The following CSMD1 variants were observed in gnomAD, a reference collection of about 807,000 sequenced individuals.
CSMD1 encodes the protein CUB and Sushi multiple domains 1.
CSMD1 carries 213 observed loss-of-function variants against 417.5 expected under a neutral mutation model. That is an observed-to-expected ratio of 0.51 (90% CI 0.46 to 0.57). The LOEUF (loss-of-function observed/expected upper bound fraction) is 0.57. CSMD1 is among the 20% of genes least tolerant of loss of function. The probability of loss-of-function intolerance (pLI) is 0.00; values close to 1 mark genes in which losing one functional copy is unlikely to be tolerated. For synonymous variants in CSMD1, 2,862 were observed against 1,736.8 expected (o/e 1.65, Z -16.11); for missense variants, 6,923 against 4,529.7 (o/e 1.53, Z -15.17).
chr8:3,280,065 G>A (rs148993019), intron 26 of CSMD1, among the ~76,000 whole-genome samples: 2,663 of 151,236 alleles, frequency 0.018, 73 homozygotes, highest in African/African-American at 0.059. Flanking sequence ...GGGGCACATC[G>A]GCCCCCGGGG....
At chr8:3,738,278 G>T (rs1191598500) in intron 6 of CSMD1, among the ~76,000 whole-genome samples, 2 of 152,186 alleles carry the variant, frequency 1.3e-5, no homozygotes, top group African/African-American at 4.8e-5. Flanking sequence ...GATCACAGTG[G>T]AAGGAAGAGA....
At chr8:4,766,361 G>T (rs140098758) in intron 1 of CSMD1, among the ~76,000 whole-genome samples, 3 of 152,170 alleles carry the variant, frequency 2.0e-5, no homozygotes, top group African/African-American at 7.2e-5. Context: ...TAGGACACAA[G>T]AAGAAATTAG....
chr8:3,559,870 C>A (rs13279390), intron 10 of CSMD1, among the ~76,000 whole-genome samples: 102,305 of 151,956 alleles, frequency 0.67, 37,165 homozygotes, highest in Middle Eastern at 0.81. Context: ...AGAGTGGACA[C>A]AGTGAGAATG....
chr8:4,477,016 T>G (rs1444165859), intron 2 of CSMD1, among the ~76,000 whole-genome samples: 3 of 152,184 alleles, frequency 2.0e-5, no homozygotes, highest in Non-Finnish European at 4.4e-5. Context: ...TGGCTGTGGT[T>G]ACAGGGATTT....
intron 3 of CSMD1, among the ~76,000 whole-genome samples, chr8:4,094,593 T>C (rs1254800087): frequency 6.6e-6 from 1 of 152,124 alleles, no homozygotes; most frequent in Non-Finnish European, 1.5e-5. Context: ...CACCGTGCTG[T>C]GCTTGTGTAG....
At chr8:4,720,612 T>G (rs1452693140) in intron 1 of CSMD1, among the ~76,000 whole-genome samples, 1 of 152,156 alleles carries the variant, frequency 6.6e-6, no homozygotes, top group East Asian at 1.9e-4. Context: ...AGACAGGGTT[T>G]CACCATGTTG....
At chr8:4,958,757 C>T (rs1809285840) in intron 1 of CSMD1, among the ~76,000 whole-genome samples, 1 of 151,040 alleles carries the variant, frequency 6.6e-6, no homozygotes, top group Non-Finnish European at 1.5e-5. Flanking sequence ...CAGTAATTTC[C>T]CCCTGTTTCA....
chr8:3,886,074 A>G (rs567420466), intron 5 of CSMD1, among the ~76,000 whole-genome samples: 2 of 152,108 alleles, frequency 1.3e-5, no homozygotes, highest in East Asian at 1.9e-4. Context: ...TTTTTGAGAC[A>G]GACTCTTGCT....
At position 4,393,654 on chromosome 8, in the gene CSMD1, G is replaced by A. The variant is rs193037723; in HGVS notation, c.415+26299C>T. ...CAATGTTGAAAAGACGTGAGCACTA[G>A]CCCAGTCACCTTCACACTCCTATAC... is the stretch of plus-strand genomic sequence containing the variant. On this transcript the variant is annotated intron_variant, in intron 3 of 69. Transcript: ENST00000635120. 1.1e-4 allele frequency among the ~76,000 whole-genome samples: 16 copies of A among 152,268 alleles called. No homozygotes were observed. The East Asian group carries it at 2.5e-3, about 24-fold the overall frequency.
intron 1 of CSMD1, among the ~76,000 whole-genome samples, chr8:4,857,406 T>G (rs1379657693): frequency 6.6e-6 from 1 of 151,356 alleles, no homozygotes; most frequent in African/African-American, 2.4e-5. Context: ...AGGCAAGAAA[T>G]AACTAAAATC....
intron 1 of CSMD1, among the ~76,000 whole-genome samples, chr8:4,910,809 A>T (rs1805615015): frequency 6.6e-6 from 1 of 152,224 alleles, no homozygotes; most frequent in Non-Finnish European, 1.5e-5. Flanking sequence ...TCCAATTGAT[A>T]AATGTCATTA....
chr8:4,089,799 C>G (rs953322442), intron 3 of CSMD1, among the ~76,000 whole-genome samples: 4 of 151,900 alleles, frequency 2.6e-5, no homozygotes, highest in Non-Finnish European at 4.4e-5. Context: ...CTCAGTCTAC[C>G]GAGTGTGTTT....
intron 5 of CSMD1, among the ~76,000 whole-genome samples, chr8:3,907,517 T>C (rs1162160422): frequency 1.3e-5 from 2 of 152,138 alleles, no homozygotes; most frequent in Admixed American, 6.5e-5. Context: ...TCTCACAGAA[T>C]TGTGCAGATC....
At chr8:3,200,626 G>T (rs12545450) in intron 32 of CSMD1, among the ~76,000 whole-genome samples, 4 of 151,448 alleles carry the variant, frequency 2.6e-5, no homozygotes. Context: ...ATAAAATGTG[G>T]AAGAGTCTGT....
At chr8:4,190,120 G>C (rs534442097) in intron 3 of CSMD1, among the ~76,000 whole-genome samples, 2 of 151,782 alleles carry the variant, frequency 1.3e-5, no homozygotes, top group African/African-American at 4.8e-5. Flanking sequence ...TGAGCCGGGC[G>C]TGGTGGCAGG....
intron 2 of CSMD1, among the ~76,000 whole-genome samples, chr8:4,621,864 T>A (rs909207394): frequency 1.1e-4 from 17 of 152,130 alleles, no homozygotes; most frequent in African/African-American, 3.6e-4. Flanking sequence ...GAATGAGAAG[T>A]TGGATTAAAA....
chr8:3,756,972 T>C (rs372514923), intron 5 of CSMD1, among the ~76,000 whole-genome samples: 8 of 152,266 alleles, frequency 5.3e-5, no homozygotes, highest in Middle Eastern at 3.4e-3. Flanking sequence ...TTGTAATCTT[T>C]TAATTTTTTG....
At chr8:3,420,130 T>A (rs570315238) in intron 12 of CSMD1, among the ~76,000 whole-genome samples, 1 of 152,162 alleles carries the variant, frequency 6.6e-6, no homozygotes, top group Non-Finnish European at 1.5e-5. Context: ...TGGGAAGTCA[T>A]TCAACTTAAG....
chr8:4,466,813 T>C lies in CSMD1; in HGVS notation c.303-46748A>G, dbSNP rs78804505. Among the ~76,000 whole-genome samples the C allele has an allele frequency of 9.5e-4, 144 of 152,180 alleles. 2 individuals are homozygous for C. In the East Asian group the frequency reaches 0.025, roughly 26 times the overall value. ...AAATCCATAGAAAAATAACAAGCCA[T>C]TTAAAATTTAAATTCAGAGAGCAGG... On this transcript the variant is annotated intron_variant, in intron 2 of 69. Coordinates refer to ENST00000635120, the MANE Select transcript of CSMD1 (RefSeq NM_033225.6).
Sources: gnomAD v4.1 joint callset for allele counts (sites outside exome capture counted in the v4.1 genomes callset) on GRCh38, gnomAD v4.1.1 for gene constraint, MANE v1.5 for transcripts, NCBI Gene and HGNC (gene_info 2026-07-23, HGNC 2026-07-21) for gene names.